The following COL14A1 variants were observed in gnomAD, a reference collection of about 807,000 sequenced individuals.
COL14A1 encodes collagen alpha-1(XIV) chain.
Under a neutral mutation model 230.3 loss-of-function variants are expected in COL14A1, and 136 were observed. That is an observed-to-expected ratio of 0.59 (90% CI 0.51 to 0.68). COL14A1 has a LOEUF of 0.68. Among genes scored for constraint, COL14A1 ranks in the 30% least tolerant of loss-of-function variants. COL14A1 has a pLI of 0.00. For synonymous variants in COL14A1, 792 were observed against 784.1 expected (o/e 1.01, Z -0.17); for missense variants, 1,976 against 2,215.8 (o/e 0.89, Z 2.17).
intron 33 of COL14A1, among the ~76,000 whole-genome samples, chr8:120,286,960 A>G (rs1284721700): frequency 6.6e-6 from 1 of 152,170 alleles, no homozygotes; most frequent in African/African-American, 2.4e-5. Context: ...ACTGATCTGT[A>G]GTGTTAAGCA....
rs1819387522 is a variant in COL14A1 at position 120,262,986 on chromosome 8, A to G, written c.2988A>G (p.Gly996=). ...SVYTKLQEIE[G]PSVSIMEKTQ... The stretch of plus-strand genomic sequence containing the variant: ...ATACAAAGCTCCAGGAGATTGAAGG[A>G]CCTAGTGTGAGCATAATGGAAAAAA... Residue 996 remains glycine, a synonymous_variant, in exon 24 of 48, where the codon GGA becomes GGG. Coordinates refer to ENST00000297848, the MANE Select transcript of COL14A1 (RefSeq NM_021110.4). 1 of 1,611,810 alleles carries G rather than the reference A, an allele frequency of 6.2e-7. No individual in the cohort carries two copies. The highest frequency in any genetic ancestry group is 8.5e-7 in the Non-Finnish European group (1 of 1,179,356).
chr8:120,370,290 C>T, intron 47 of COL14A1: 1 of 1,582,412 alleles, frequency 6.3e-7, no homozygotes, highest in Non-Finnish European at 8.7e-7. Flanking sequence ...TTTCTCTGTT[C>T]ATCTTTTCCC....
At chr8:120,182,682 C>T (rs936440982) in intron 5 of COL14A1, among the ~76,000 whole-genome samples, 1 of 151,182 alleles carries the variant, frequency 6.6e-6, no homozygotes, top group Non-Finnish European at 1.5e-5. Context: ...GGCAACTCTA[C>T]CAATAAAACT....
intron 37 of COL14A1, among the ~76,000 whole-genome samples, 176 bp downstream of exon 37, chr8:120,310,238 A>G (rs531554528): frequency 1.3e-5 from 2 of 152,290 alleles, no homozygotes; most frequent in East Asian, 3.9e-4. Context: ...GCTTTTAATC[A>G]AAAAGAATAT....
chr8:120,224,925 G>T (rs991088067), intron 14 of COL14A1, among the ~76,000 whole-genome samples, 163 bp from the exon 15 acceptor site: 4 of 152,228 alleles, frequency 2.6e-5, no homozygotes, highest in Non-Finnish European at 2.9e-5. Context: ...ATCTAAGGGT[G>T]TAAGATCAGA....
rs113020256 is a variant in COL14A1 at position 120,295,127 on chromosome 8, C to T, written c.4237-2384C>T. On this transcript the variant is annotated intron_variant, in intron 34 of 47. Coordinates refer to ENST00000297848, the MANE Select transcript of COL14A1 (RefSeq NM_021110.4). ...AAATGTTTTTGCTCTGAGGGCTCTA[C>T]TCAGAAATGGAAAATTTCTTAATGG... Among the ~76,000 whole-genome samples the T allele has an allele frequency of 2.9e-3, 447 of 151,914 alleles. 3 individuals are homozygous for T. The highest frequency in any genetic ancestry group is 0.01 in the Middle Eastern group (3 of 294).
At chr8:120,360,727 C>T (rs544495415) in intron 45 of COL14A1, among the ~76,000 whole-genome samples, 54 of 152,312 alleles carry the variant, frequency 3.5e-4, no homozygotes, top group Non-Finnish European at 5.9e-4. Flanking sequence ...TACTCCATGA[C>T]GACCTGCTAC....
chr8:120,225,212 C>T lies in COL14A1; in HGVS notation c.1862C>T (p.Thr621Ile). 6.2e-7 allele frequency: 1 copy of T among 1,610,900 alleles called. No homozygotes were observed. The highest frequency in any genetic ancestry group is 8.5e-7 in the Non-Finnish European group (1 of 1,179,040). ...QSEPLTGVFT[T>I]EEVPAQQYLE... ...GAGCCTCTGACTGGAGTTTTTACCA[C>T]CGGTAAGCAGCCTCATTATGGTTTG... Residue 621 changes from threonine (T) to isoleucine (I), a missense_variant and splice_region_variant, in exon 15 of 48, where the codon ACC (threonine) becomes ATC (isoleucine). Physicochemically the swap from Thr to Ile is moderately conservative, Grantham distance 89. This residue lies in a region of COL14A1 where 1,791 missense variants were observed against 2,019.5 expected (regional missense o/e 0.89). Transcript: ENST00000297848.
chr8:120,350,199 C>T (rs1822697721), intron 45 of COL14A1, among the ~76,000 whole-genome samples: 1 of 152,122 alleles, frequency 6.6e-6, no homozygotes, highest in African/African-American at 2.4e-5. Context: ...GAGATTTTGT[C>T]ACCACCATGC....
intron 33 of COL14A1, among the ~76,000 whole-genome samples, chr8:120,287,910 G>A (rs1038713564): frequency 2.0e-5 from 3 of 151,810 alleles, no homozygotes; most frequent in Non-Finnish European, 4.4e-5. Context: ...CTTTGGCTAT[G>A]AAGTGTGGGC....
intron 1 of COL14A1, among the ~76,000 whole-genome samples, chr8:120,128,225 G>A (rs1008848805): frequency 3.0e-5 from 3 of 99,304 alleles, no homozygotes; most frequent in South Asian, 3.7e-4. Context: ...GTGTGTGCGC[G>A]CGCGTGTGTG....
At chr8:120,322,879 T>A (rs1821507384) in intron 40 of COL14A1, among the ~76,000 whole-genome samples, 1 of 152,346 alleles carries the variant, frequency 6.6e-6, no homozygotes, top group South Asian at 2.1e-4. Flanking sequence ...GCATGTGTCT[T>A]TATAATAGAA....
intron 26 of COL14A1, among the ~76,000 whole-genome samples, chr8:120,276,767 T>C (rs936368090): frequency 1.4e-4 from 21 of 151,752 alleles, no homozygotes; most frequent in Non-Finnish European, 2.5e-4. Flanking sequence ...CACACCAACA[T>C]GGCACATGTA....
chr8:120,207,836 G>T (rs1253930035), intron 10 of COL14A1, among the ~76,000 whole-genome samples: 1 of 142,710 alleles, frequency 7.0e-6, no homozygotes. Flanking sequence ...TAAATCATTT[G>T]GACCAAAAAA....
chr8:120,240,693 T>A (rs1484778937), intron 19 of COL14A1, among the ~76,000 whole-genome samples: 4 of 152,226 alleles, frequency 2.6e-5, no homozygotes, highest in African/African-American at 7.2e-5. Context: ...GTATATGTTA[T>A]ACACTGTGTA....
chr8:120,316,971 A>AT (rs1410493175), intron 40 of COL14A1, among the ~76,000 whole-genome samples: 3 of 152,192 alleles, frequency 2.0e-5, no homozygotes, highest in African/African-American at 7.2e-5. Flanking sequence ...TAAATCATCT[A>AT]TTTTTTCCAA....
At chr8:120,217,157 A>G (rs1355195469) in intron 14 of COL14A1, among the ~76,000 whole-genome samples, 1 of 152,178 alleles carries the variant, frequency 6.6e-6, no homozygotes, top group Non-Finnish European at 1.5e-5. Flanking sequence ...TGTTCATGGA[A>G]GCATTGTATT....
chr8:120,175,623 C>T (rs1816256575), intron 5 of COL14A1, among the ~76,000 whole-genome samples: 2 of 152,140 alleles, frequency 1.3e-5, no homozygotes, highest in South Asian at 4.1e-4. Context: ...TTTATTGGAA[C>T]ACAGCTATGC....
intron 22 of COL14A1, among the ~76,000 whole-genome samples, chr8:120,253,320 T>C (rs976561538): frequency 3.3e-5 from 5 of 152,128 alleles, no homozygotes; most frequent in African/African-American, 1.2e-4. Context: ...TGTGATTTTT[T>C]ACTGGTCTCT....
Sources: allele counts gnomAD v4.1 joint callset (sites outside exome capture counted in the v4.1 genomes callset), GRCh38; gene constraint gnomAD v4.1.1; regional missense constraint gnomAD v4.1.1; transcripts MANE v1.5; gene names NCBI Gene and HGNC (gene_info 2026-07-23, HGNC 2026-07-21).